ARHGAP6: variants seen among roughly 807,000 people sequenced by gnomAD.
ARHGAP6 encodes Rho GTPase activating protein 6.
A neutral mutation model predicts 55.7 loss-of-function variants in ARHGAP6; 16 were observed. That is an observed-to-expected ratio of 0.29 (90% confidence interval 0.19 to 0.44). The LOEUF is 0.44. Ranked by LOEUF, ARHGAP6 falls within the 20% of genes least tolerant of loss-of-function variation. The pLI is 1.00. For synonymous variants in ARHGAP6, 382 were observed against 360.9 expected (o/e 1.06, Z -0.66); for missense variants, 698 against 808.9 (o/e 0.86, Z 1.66).
At chrX:11,443,422 T>C (rs1291607291) in intron 1 of ARHGAP6, among the ~76,000 whole-genome samples, 2 of 112,140 alleles carry the variant, frequency 1.8e-5, no homozygotes, top group Middle Eastern at 4.2e-3. Context: ...GAGAGTGGAA[T>C]GGCTCCATCA....
intron 1 of ARHGAP6, among the ~76,000 whole-genome samples, chrX:11,544,672 G>A (rs1253128208): frequency 8.9e-6 from 1 of 111,768 alleles, no homozygotes; most frequent in African/African-American, 3.3e-5. Context: ...TCAGTTCTCT[G>A]GTGGAATTTA....
At chrX:11,327,968 C>A (rs772126929) in intron 1 of ARHGAP6, among the ~76,000 whole-genome samples, 4 of 111,281 alleles carry the variant, frequency 3.6e-5, no homozygotes, top group Non-Finnish European at 7.6e-5. Context: ...CTTTACAGGC[C>A]AAAAAGCATC....
At chrX:11,543,683 G>C (rs1183800321) in intron 1 of ARHGAP6, among the ~76,000 whole-genome samples, 2 of 111,828 alleles carry the variant, frequency 1.8e-5, no homozygotes, top group Non-Finnish European at 3.8e-5. Flanking sequence ...CCTGCCAGTG[G>C]CAACAAGTGA....
At chrX:11,614,990 G>T (rs953968683) in intron 1 of ARHGAP6, among the ~76,000 whole-genome samples, 2 of 110,449 alleles carry the variant, frequency 1.8e-5, no homozygotes, top group African/African-American at 3.3e-5. Flanking sequence ...ATGCTGTGGT[G>T]CTGCCACAGA....
At chrX:11,163,786 CA>C (rs1466381882) in intron 9 of ARHGAP6, among the ~76,000 whole-genome samples, 1 of 111,872 alleles carries the variant, frequency 8.9e-6, no homozygotes, top group Non-Finnish European at 1.9e-5. Flanking sequence ...ACATGTCAGG[CA>C]GCATGTTTTG....
At chrX:11,188,399 C>T (rs1016663432) in intron 4 of ARHGAP6, among the ~76,000 whole-genome samples, 2 of 111,905 alleles carry the variant, frequency 1.8e-5, no homozygotes, top group Non-Finnish European at 3.8e-5. Context: ...GCCCTGCCCT[C>T]GAGCCTCACA....
intron 9 of ARHGAP6, among the ~76,000 whole-genome samples, chrX:11,161,786 CT>C (rs2045949493): frequency 8.9e-6 from 1 of 112,141 alleles, no homozygotes; most frequent in Admixed American, 9.4e-5. Context: ...GAAGCACTCT[CT>C]TCTCTTTTGC....
intron 1 of ARHGAP6, among the ~76,000 whole-genome samples, chrX:11,564,417 C>A (rs1444979030): frequency 9.1e-6 from 1 of 109,856 alleles, no homozygotes; most frequent in East Asian, 2.8e-4. Flanking sequence ...AAATTAAGGG[C>A]CCATAAGTGC....
chrX:11,327,436 C>T (rs1168032563), intron 1 of ARHGAP6, among the ~76,000 whole-genome samples: 1 of 112,183 alleles, frequency 8.9e-6, no homozygotes, highest in Non-Finnish European at 1.9e-5. Flanking sequence ...CTAAATTCAG[C>T]CCTTTAAAGA....
intron 1 of ARHGAP6, among the ~76,000 whole-genome samples, chrX:11,500,019 G>A (rs1389045986): frequency 8.9e-6 from 1 of 112,315 alleles, no homozygotes; most frequent in African/African-American, 3.2e-5. Flanking sequence ...TACTGGAAGA[G>A]TAATACTATT....
chrX:11,582,387 C>T (rs191768905), intron 1 of ARHGAP6, among the ~76,000 whole-genome samples: 1 of 112,014 alleles, frequency 8.9e-6, no homozygotes, highest in East Asian at 2.8e-4. Flanking sequence ...CTAGGGCTGG[C>T]CAATGTTTAA....
chrX:11,265,801 C>G (rs752657122), intron 1 of ARHGAP6: 18 of 923,799 alleles, frequency 1.9e-5, no homozygotes, highest in Middle Eastern at 3.1e-4. Context: ...AAAATGCATC[C>G]TGAAATGGCA....
At chrX:11,179,526 C>T (rs1222143344) in intron 6 of ARHGAP6, 74 bp from the exon 7 acceptor site, 1 of 1,111,713 alleles carries the variant, frequency 9.0e-7, no homozygotes, top group Non-Finnish European at 1.2e-6. Context: ...AGGAGAAGTG[C>T]TGTGACACGT....
chrX:11,176,832 A>T (rs1054661242), intron 8 of ARHGAP6, among the ~76,000 whole-genome samples: 6 of 112,122 alleles, frequency 5.4e-5, no homozygotes, highest in African/African-American at 1.9e-4. Flanking sequence ...TGAAACCTGA[A>T]GCCATCTGGG....
chrX:11,263,636 C>T (rs1055851899), intron 1 of ARHGAP6, among the ~76,000 whole-genome samples: 2 of 110,914 alleles, frequency 1.8e-5, no homozygotes, highest in Non-Finnish European at 3.8e-5. Flanking sequence ...TGCACCAACC[C>T]TTAAGGAGGT....
At chrX:11,488,945 T>C (rs997126164) in intron 1 of ARHGAP6, among the ~76,000 whole-genome samples, 2 of 111,966 alleles carry the variant, frequency 1.8e-5, no homozygotes, top group African/African-American at 6.5e-5. Flanking sequence ...CGTTAAGCAT[T>C]TTATCAGATG....
At chrX:11,486,801 G>A (rs1262091210) in intron 1 of ARHGAP6, among the ~76,000 whole-genome samples, 1 of 111,970 alleles carries the variant, frequency 8.9e-6, no homozygotes, top group Non-Finnish European at 1.9e-5. Flanking sequence ...GCCTGAATCA[G>A]GTGAATAAGG....
intron 1 of ARHGAP6, among the ~76,000 whole-genome samples, chrX:11,549,695 T>C (rs923270480): frequency 5.3e-5 from 6 of 112,221 alleles, no homozygotes; most frequent in Non-Finnish European, 1.9e-5. Flanking sequence ...CCACTTTGTC[T>C]GGAAAGGCCC....
At chrX:11,375,998 G>A (rs1455043804) in intron 1 of ARHGAP6, among the ~76,000 whole-genome samples, 5 of 111,170 alleles carry the variant, frequency 4.5e-5, no homozygotes, top group Admixed American at 9.6e-5. Context: ...GTAACAATAA[G>A]GGAAAAAAGA....
Sources: gnomAD v4.1 joint callset for allele counts (sites outside exome capture counted in the v4.1 genomes callset) on GRCh38, gnomAD v4.1.1 for gene constraint, MANE v1.5 for transcripts, NCBI Gene and HGNC (gene_info 2026-07-23, HGNC 2026-07-21) for gene names.